The following SEMA3F variants were observed in gnomAD, a reference collection of about 807,000 sequenced individuals.
SEMA3F encodes the protein semaphorin-3F.
In SEMA3F, 30 loss-of-function variants were observed where a neutral mutation model predicts 98.5. The observed-to-expected ratio is 0.30, with a 90% confidence interval of 0.23 to 0.41. The LOEUF (loss-of-function observed/expected upper bound fraction) is 0.41. Among genes scored for constraint, SEMA3F ranks in the 10% least tolerant of loss-of-function variants. The probability of loss-of-function intolerance (pLI) is 1.00; values close to 1 mark genes in which losing one functional copy is unlikely to be tolerated. For synonymous variants in SEMA3F, 380 were observed against 444.8 expected (o/e 0.85, Z 1.83); for missense variants, 866 against 1,119.3 (o/e 0.77, Z 3.23).
At chr3:50,164,022 C>T (rs1267078223) in intron 2 of SEMA3F, among the ~76,000 whole-genome samples, 2 of 152,200 alleles carry the variant, frequency 1.3e-5, no homozygotes, top group Non-Finnish European at 2.9e-5. Flanking sequence ...GCACATCCCC[C>T]AACTGGCTAG....
In SEMA3F at chr3:50,156,119, G is replaced by C. The variant is rs1697970309; in HGVS notation, c.-49+555G>C. The C allele has an allele frequency of 6.6e-6, 1 of 152,464 alleles. No individual in the cohort carries two copies. Among genetic ancestry groups the C allele is most frequent in the African/African-American group, 2.4e-5 (1 of 41,464 alleles). The allele number at this position is 152,464 out of a possible 1,614,324, so 9.4% of individuals were successfully genotyped here. A position where few individuals can be genotyped will look rare whatever the true frequency, so the allele number is the denominator to read the frequency against. Reference sequence around the variant, plus strand: ...CATTGTGCCAGCCCCTTGACCCCCAGCTGCCACCTTGGGTTTGCTTTTACA... The same window carrying C: ...CATTGTGCCAGCCCCTTGACCCCCACCTGCCACCTTGGGTTTGCTTTTACA... On this transcript the variant is annotated intron_variant, in intron 1 of 18. Transcript: ENST00000002829. The surrounding 1 kb of genome is among the most constrained non-coding windows in gnomAD (Gnocchi z 4.5).
At chr3:50,187,658 A>T (rs750702380) in intron 18 of SEMA3F, 47 bp from the exon 19 acceptor site, 1 of 1,527,274 alleles carries the variant, frequency 6.5e-7, no homozygotes, top group Non-Finnish European at 8.9e-7. Context: ...GGCTAGGGCC[A>T]TAGGGTGGTC....
At chr3:50,179,342 T>C (rs78739211) in intron 7 of SEMA3F, among the ~76,000 whole-genome samples, 1 of 151,798 alleles carries the variant, frequency 6.6e-6, no homozygotes, top group African/African-American at 2.4e-5. Context: ...TTTTTTTTTT[T>C]TGAGATGGAG....
intron 2 of SEMA3F, 45 bp from the exon 3 acceptor site, chr3:50,173,748 T>C: frequency 6.3e-7 from 1 of 1,581,658 alleles, no homozygotes; most frequent in Non-Finnish European, 8.7e-7. Flanking sequence ...TATGGCTGGA[T>C]GGTTTCCTGA....
rs1699033696 is a variant in SEMA3F at position 50,182,036 on chromosome 3, T to G, written c.644-248T>G. Among the ~76,000 whole-genome samples, 1 of 152,204 alleles carries G rather than the reference T, an allele frequency of 6.6e-6. No individual in the cohort carries two copies. Among genetic ancestry groups the G allele is most frequent in the African/African-American group, 2.4e-5 (1 of 41,456 alleles). ...TTTCAGTGACCTCAGGTTGGTAGCT[T>G]GAAATTAGTTGTGGCAGGAGTATTC... On this transcript the variant is annotated intron_variant, in intron 7 of 18. Transcript: ENST00000002829. This position sits in a 1 kb window ranked among gnomAD's most constrained non-coding sequence, Gnocchi z 4.5.
intron 2 of SEMA3F, among the ~76,000 whole-genome samples, chr3:50,170,277 C>G (rs560073271): frequency 9.2e-5 from 14 of 152,158 alleles, no homozygotes; most frequent in African/African-American, 2.9e-4. Context: ...TGGGATTTAG[C>G]TCTATTCCTG....
Position 50,185,431 on chromosome 3 carries a change from G to T in SEMA3F, c.1457-12G>T. 1 of 1,566,062 alleles carries T rather than the reference G, an allele frequency of 6.4e-7. No individual in the cohort carries two copies. Among genetic ancestry groups the T allele is most frequent in the African/African-American group, 1.4e-5 (1 of 73,488 alleles). ...CCCCAGCCCCACTGAGGCCCTGCCC[G>T]GCCCGTTCCAGACCGCGGGACAGTG... On this transcript the variant is annotated splice_polypyrimidine_tract_variant and intron_variant, in intron 13 of 18. Transcript: ENST00000002829.
chr3:50,173,699 G>A, intron 2 of SEMA3F, 94 bp from the exon 3 acceptor site: 4 of 1,068,486 alleles, frequency 3.7e-6, no homozygotes, highest in African/African-American at 1.6e-5. Context: ...GGTCCTGAGG[G>A]GAACCTCAGG....
chr3:50,179,306 C>T (rs1034589059), intron 7 of SEMA3F, among the ~76,000 whole-genome samples: 2 of 151,476 alleles, frequency 1.3e-5, no homozygotes, highest in African/African-American at 4.8e-5. Context: ...TGTTCTTCCA[C>T]GAGAAGGCTG....
Position 50,186,343 on chromosome 3 carries a change from C to A in SEMA3F, c.1808C>A (p.Ser603Tyr), listed in dbSNP as rs1699212132. The change falls in exon 17 of 19, where the codon TCC becomes TAC. Residue 603 changes from serine to tyrosine, a missense_variant. Physicochemically the swap from Ser to Tyr is moderately radical, Grantham distance 144. Around this residue, in one of 3 missense-constraint regions of SEMA3F, gnomAD observed 245 missense variants for 260.5 expected, o/e 0.94. Transcript: ENST00000002829. The part of the protein sequence containing the change: ...NPIRQCRGFN[S>Y]NANKNAVESV... ...ATCAGGCAGTGCCGTGGGTTCAACT[C>A]CAATGGTGAGTATGCTGGGCCTCAC... The A allele has an allele frequency of 6.2e-7, 1 of 1,613,580 alleles. No homozygotes were observed. The highest frequency in any genetic ancestry group is 1.3e-5 in the African/African-American group (1 of 74,910).
intron 7 of SEMA3F, among the ~76,000 whole-genome samples, chr3:50,179,050 C>T (rs1235413719): frequency 1.3e-5 from 2 of 151,940 alleles, no homozygotes; most frequent in South Asian, 2.1e-4. Flanking sequence ...GTCTCGATCT[C>T]CTGACCTCGT....
At position 50,173,805 on chromosome 3, in the gene SEMA3F, C is replaced by G; in HGVS notation, c.125C>G (p.Thr42Arg). The G allele has an allele frequency of 6.2e-7, 1 of 1,614,058 alleles. No individual in the cohort carries two copies. The change falls in exon 3 of 19, where the codon ACA becomes AGA. Residue 42 changes from threonine (T) to arginine (R), a missense_variant. Physicochemically the swap from Thr to Arg is moderately conservative, Grantham distance 71 (BLOSUM62 -1). Transcript: ENST00000002829. ...VRLSFKELKA[T>R]GTAHFFNFLL... ...CCTCCACCCACAGAGCTGAAGGCCA[C>G]AGGCACCGCCCACTTCTTCAACTTC...
At chr3:50,171,468 G>T (rs542480809) in intron 2 of SEMA3F, among the ~76,000 whole-genome samples, 1 of 152,096 alleles carries the variant, frequency 6.6e-6, no homozygotes, top group Non-Finnish European at 1.5e-5. Flanking sequence ...CGGAGTGCCC[G>T]TGTCTGAAGG....
chr3:50,175,447 A>G (rs1412916383), intron 6 of SEMA3F, among the ~76,000 whole-genome samples: 2 of 152,260 alleles, frequency 1.3e-5, no homozygotes, highest in Non-Finnish European at 1.5e-5. Context: ...GGGGACAGCC[A>G]TGCCTTAGCC....
chr3:50,174,420 A>G (rs896776703), intron 5 of SEMA3F, 70 bp downstream of exon 5: 4 of 1,533,528 alleles, frequency 2.6e-6, no homozygotes, highest in African/African-American at 2.7e-5. Flanking sequence ...TGATGGGAGG[A>G]GGGGCTTCAG....
At chr3:50,184,310 G>A (rs182073616) in intron 12 of SEMA3F, 4 of 494,022 alleles carry the variant, frequency 8.1e-6, no homozygotes, top group Non-Finnish European at 3.7e-6. Context: ...GACAGGGGTG[G>A]GGAGGGGGAC....
In SEMA3F at chr3:50,158,050, G is replaced by A. The variant is rs1043218771; in HGVS notation, c.-48-1525G>A. On this transcript the variant is annotated intron_variant, in intron 1 of 18. Transcript: ENST00000002829. The surrounding 1 kb of genome is among the most constrained non-coding windows in gnomAD (Gnocchi z 4.8). ...CGTGTGTGGGCCTGCAAGTGTGAAC[G>A]TGTGCATATCCACAGCTGTTATCAG... is the stretch of plus-strand genomic sequence containing the variant. Among the ~76,000 whole-genome samples, 1 of 152,210 alleles carries A rather than the reference G, an allele frequency of 6.6e-6. No individual in the cohort carries two copies. The highest frequency in any genetic ancestry group is 1.5e-5 in the Non-Finnish European group (1 of 68,038).
At position 50,183,536 on chromosome 3, in the gene SEMA3F, G is replaced by A; in HGVS notation, c.1205G>A (p.Gly402Glu). Residue 402 changes from glycine to glutamate, a missense_variant, in exon 12 of 19, where the codon GGG (glycine) becomes GAG (glutamate). Gly to Glu is a moderately conservative substitution (Grantham distance 98, BLOSUM62 -2). This residue lies in a region of SEMA3F where 374 missense variants were observed against 582.8 expected (regional missense o/e 0.64). Coordinates refer to ENST00000002829, the MANE Select transcript of SEMA3F (RefSeq NM_004186.5). Reference protein sequence around the residue: ...GPNYQWMPFSGKMPYPRPGTC... With the variant: ...GPNYQWMPFSEKMPYPRPGTC... Reference sequence around the variant, plus strand: ...AACTACCAGTGGATGCCCTTCTCAGGGAAGATGCCCTACCCACGGCCGGGC... The same window carrying A: ...AACTACCAGTGGATGCCCTTCTCAGAGAAGATGCCCTACCCACGGCCGGGC... 6.2e-7 allele frequency: 1 copy of A among 1,614,058 alleles called. No individual in the cohort carries two copies. The highest frequency in any genetic ancestry group is 8.5e-7 in the Non-Finnish European group (1 of 1,180,020).
chr3:50,185,784 T>G, intron 15 of SEMA3F, 77 bp downstream of exon 15: 3 of 1,609,844 alleles, frequency 1.9e-6, no homozygotes, highest in Non-Finnish European at 2.6e-6. Context: ...GGCACAGGGA[T>G]GGGTAAACTG....
Sources: gnomAD v4.1 joint callset for allele counts (sites outside exome capture counted in the v4.1 genomes callset) on GRCh38, gnomAD v4.1.1 for gene constraint, gnomAD v4.1.1 regional missense constraint, Gnocchi (gnomAD v3.1) non-coding constraint, MANE v1.5 for transcripts, NCBI Gene and HGNC (gene_info 2026-07-23, HGNC 2026-07-21) for gene names.